Variants in GRIK4 observed in about 807,000 individuals in gnomAD.
GRIK4 encodes glutamate receptor ionotropic, kainate 4.
GRIK4 carries 40 observed loss-of-function variants against 104.9 expected under a neutral mutation model. The ratio of observed to expected loss-of-function variants is 0.38; its 90% CI spans 0.30 to 0.50. The LOEUF is 0.50. GRIK4 is among the 20% of genes least tolerant of loss of function. GRIK4 has a pLI of 0.93. For synonymous variants in GRIK4, 485 were observed against 524.9 expected (o/e 0.92, Z 1.04); for missense variants, 1,047 against 1,308.1 (o/e 0.80, Z 3.08).
At position 120,706,811 on chromosome 11, in the gene GRIK4, C is replaced by T. The variant is rs536901595; in HGVS notation, c.82+46411C>T. Among the ~76,000 whole-genome samples the T allele has an allele frequency of 1.6e-3, 239 of 152,284 alleles. 2 individuals carry two copies. The highest frequency in any genetic ancestry group is 5.7e-3 in the African/African-American group (236 of 41,574). On this transcript the variant is annotated intron_variant, in intron 3 of 20. Transcript: ENST00000527524. Reference sequence around the variant, plus strand: ...CTCTGTAGCTGCTGTCCCAGCAGGCCTCCTAATTTCAGGTCCCTAGTCTGC... The same window carrying T: ...CTCTGTAGCTGCTGTCCCAGCAGGCTTCCTAATTTCAGGTCCCTAGTCTGC...
chr11:120,785,108 T>C (rs1005590974), intron 3 of GRIK4, among the ~76,000 whole-genome samples: 4 of 152,058 alleles, frequency 2.6e-5, no homozygotes, highest in South Asian at 2.1e-4. Flanking sequence ...CCATAAGTCG[T>C]CCAGAAGGCT....
chr11:120,825,572 C>T (rs1407423925), intron 6 of GRIK4, among the ~76,000 whole-genome samples: 4 of 152,316 alleles, frequency 2.6e-5, no homozygotes, highest in East Asian at 1.9e-4. Context: ...GATCACCAAA[C>T]GTGGCCCAGG....
chr11:120,529,822 C>G (rs1947904946), intron 1 of GRIK4, among the ~76,000 whole-genome samples: 1 of 152,236 alleles, frequency 6.6e-6, no homozygotes, highest in South Asian at 2.1e-4. Flanking sequence ...TCACATCCAG[C>G]ATCTCATTTA....
At chr11:120,981,769 T>C (rs1407923581) in intron 19 of GRIK4, among the ~76,000 whole-genome samples, 1 of 152,166 alleles carries the variant, frequency 6.6e-6, no homozygotes, top group Non-Finnish European at 1.5e-5. Flanking sequence ...GTGTCATGTC[T>C]CTCTCTATAA....
At chr11:120,512,300 G>C (rs1290596254) in intron 1 of GRIK4, among the ~76,000 whole-genome samples, 3 of 150,634 alleles carry the variant, frequency 2.0e-5, no homozygotes, top group Non-Finnish European at 4.4e-5. Context: ...CCCCTTCCCA[G>C]CCTGGCGCGT....
At chr11:120,598,878 T>C (rs1049143130) in intron 1 of GRIK4, among the ~76,000 whole-genome samples, 1 of 152,244 alleles carries the variant, frequency 6.6e-6, no homozygotes, top group Admixed American at 6.5e-5. Context: ...TGTCTGTTAA[T>C]GTCCGGTTGG....
intron 1 of GRIK4, among the ~76,000 whole-genome samples, chr11:120,522,901 C>A (rs893627855): frequency 6.6e-6 from 1 of 152,058 alleles, no homozygotes; most frequent in African/African-American, 2.4e-5. Flanking sequence ...TTCCAGAGTG[C>A]CTCCTATGTG....
At chr11:120,645,694 C>T (rs1230125311) in intron 1 of GRIK4, among the ~76,000 whole-genome samples, 1 of 152,196 alleles carries the variant, frequency 6.6e-6, no homozygotes, top group East Asian at 1.9e-4. Context: ...GGCTGGGCAG[C>T]CAGCTGTGGT....
intron 1 of GRIK4, among the ~76,000 whole-genome samples, chr11:120,639,706 A>T (rs781608755): frequency 6.6e-6 from 1 of 152,050 alleles, no homozygotes; most frequent in Non-Finnish European, 1.5e-5. Flanking sequence ...TACCTTCCTC[A>T]TGTCTATCTG....
intron 1 of GRIK4, among the ~76,000 whole-genome samples, chr11:120,550,180 G>T (rs558559199): frequency 2.0e-5 from 3 of 152,026 alleles, no homozygotes; most frequent in Non-Finnish European, 4.4e-5. Context: ...TACACCCAGG[G>T]GTGGTGGCAG....
intron 3 of GRIK4, among the ~76,000 whole-genome samples, chr11:120,682,198 T>G (rs1950203706): frequency 6.6e-6 from 1 of 152,164 alleles, no homozygotes; most frequent in Non-Finnish European, 1.5e-5. Flanking sequence ...CAAATCCTGG[T>G]GTCTCTCAGA....
At chr11:120,752,049 G>A (rs1273651888) in intron 3 of GRIK4, among the ~76,000 whole-genome samples, 8 of 152,094 alleles carry the variant, frequency 5.3e-5, no homozygotes, top group African/African-American at 1.7e-4. Context: ...CAGGGCAGCT[G>A]TGCACCCCAC....
intron 10 of GRIK4, 32 bp from the exon 11 acceptor site, chr11:120,875,107 T>C: frequency 1.5e-6 from 2 of 1,378,474 alleles, no homozygotes; most frequent in Non-Finnish European, 2.1e-6. Context: ...CTGGGGCCTG[T>C]TTGGTGCTGT....
chr11:120,928,334 A>G (rs945263955), intron 13 of GRIK4, among the ~76,000 whole-genome samples: 80 of 152,110 alleles, frequency 5.3e-4, no homozygotes, highest in African/African-American at 1.9e-3. Context: ...AGGACCTCAC[A>G]TGAGCTCTGT....
chr11:120,620,422 G>T (rs894105380), intron 1 of GRIK4, among the ~76,000 whole-genome samples: 1 of 152,062 alleles, frequency 6.6e-6, no homozygotes, highest in Admixed American at 6.5e-5. Flanking sequence ...CAGTCCCCAT[G>T]TATGGCCACA....
rs114062888 is a variant in GRIK4, at chr11:120,857,190, C to G, written c.745-4769C>G. ...CTGTCTGGGGCCATGCCCAACTCAGCCCCCACTCAGAGCCTGTCCTTGCTC... is the reference window on the plus strand; with the variant it reads ...CTGTCTGGGGCCATGCCCAACTCAGGCCCCACTCAGAGCCTGTCCTTGCTC... On this transcript the variant is annotated intron_variant, in intron 8 of 20. Coordinates refer to ENST00000527524, the MANE Select transcript of GRIK4 (RefSeq NM_014619.5). Among the ~76,000 whole-genome samples the G allele has an allele frequency of 1.0e-2, 1,518 of 152,282 alleles. 25 individuals are homozygous for G. The highest frequency in any genetic ancestry group is 0.041 in the South Asian group (196 of 4,824).
chr11:120,512,457 T>C (rs1947674074), intron 1 of GRIK4, among the ~76,000 whole-genome samples: 1 of 150,008 alleles, frequency 6.7e-6, no homozygotes, highest in Non-Finnish European at 1.5e-5. Context: ...GCCCCTGCAC[T>C]GGACTCGGGC....
At position 120,859,427 on chromosome 11, in the gene GRIK4, A is replaced by G. The variant is rs558292218; in HGVS notation, c.745-2532A>G. 4 of 152,330 alleles carry G rather than the reference A, an allele frequency of 2.6e-5. No individual in the cohort carries two copies. In the East Asian group the frequency reaches 5.8e-4, roughly 22 times the overall value. 9.4% of individuals were successfully genotyped at this position (152,330 alleles called of 1,614,324 possible). A position where few individuals can be genotyped will look rare whatever the true frequency, so the allele number is the denominator to read the frequency against. On this transcript the variant is annotated intron_variant, in intron 8 of 20. Coordinates refer to ENST00000527524, the MANE Select transcript of GRIK4 (RefSeq NM_014619.5). ...TTGAACACCAAAGCCTGAATCCACT[A>G]TATCACCCCAGCTGCCACTGTGAAT...
chr11:120,957,895 G>C (rs953337234), intron 16 of GRIK4, among the ~76,000 whole-genome samples: 1 of 152,114 alleles, frequency 6.6e-6, no homozygotes, highest in Non-Finnish European at 1.5e-5. Flanking sequence ...TCCTGTCTGG[G>C]GTTTCCATTA....
Sources: allele counts gnomAD v4.1 joint callset (sites outside exome capture counted in the v4.1 genomes callset), GRCh38; gene constraint gnomAD v4.1.1; transcripts MANE v1.5; gene names NCBI Gene and HGNC (gene_info 2026-07-23, HGNC 2026-07-21).